The following SPARCL1 variants were observed in gnomAD, a reference collection of about 807,000 sequenced individuals.
The protein encoded by SPARCL1 is SPARC like 1, also known as SPARC-like protein 1.
SPARCL1 carries 52 observed loss-of-function variants against 67.1 expected under a neutral mutation model. The observed-to-expected ratio is 0.78, with a 90% CI of 0.62 to 0.98. SPARCL1 has a LOEUF of 0.98. Among genes scored for constraint, SPARCL1 ranks in the 50% least tolerant of loss-of-function variants. SPARCL1 has a pLI of 0.00. For missense variants in SPARCL1, 717 were observed against 782.4 expected (o/e 0.92, Z 1.00); for synonymous variants, 226 against 267.8 (o/e 0.84, Z 1.52).
chr4:87,515,917 T>A (rs1725563537), intron 1 of SPARCL1, among the ~76,000 whole-genome samples: 1 of 152,242 alleles, frequency 6.6e-6, no homozygotes. Flanking sequence ...TAGAGATTGC[T>A]ATAAATTCTT....
chr4:87,488,376 C>T (rs1724162213), intron 7 of SPARCL1, among the ~76,000 whole-genome samples: 1 of 152,180 alleles, frequency 6.6e-6, no homozygotes, highest in African/African-American at 2.4e-5. Flanking sequence ...CTGGAGTTCA[C>T]TCAAGGTCCA....
At chr4:87,479,655 A>G in intron 9 of SPARCL1, 77 bp from the exon 10 acceptor site, 1 of 1,423,026 alleles carries the variant, frequency 7.0e-7, no homozygotes, top group Non-Finnish European at 9.8e-7. Flanking sequence ...CACCAAGGAC[A>G]TTTTTCTCCC....
At chr4:87,506,672 G>A (rs1201086960) in intron 1 of SPARCL1, among the ~76,000 whole-genome samples, 1 of 152,112 alleles carries the variant, frequency 6.6e-6, no homozygotes, top group African/African-American at 2.4e-5. Flanking sequence ...GACTTGAACG[G>A]GAACTATACA....
chr4:87,495,756 C>T (rs962508622), intron 2 of SPARCL1, among the ~76,000 whole-genome samples: 1 of 151,926 alleles, frequency 6.6e-6, no homozygotes, highest in African/African-American at 2.4e-5. Flanking sequence ...ATGGTGAAAC[C>T]CCGTCTCTAC....
chr4:87,485,807 T>C (rs1724032754), intron 7 of SPARCL1, among the ~76,000 whole-genome samples: 1 of 152,176 alleles, frequency 6.6e-6, no homozygotes, highest in Non-Finnish European at 1.5e-5. Context: ...GGTATATGTG[T>C]CCAGGAATTT....
chr4:87,495,761 C>G (rs973909959), intron 2 of SPARCL1, among the ~76,000 whole-genome samples: 1 of 152,076 alleles, frequency 6.6e-6, no homozygotes, highest in African/African-American at 2.4e-5. Context: ...GAAACCCCGT[C>G]TCTACTAAAA....
intron 2 of SPARCL1, among the ~76,000 whole-genome samples, chr4:87,495,721 G>A (rs553924883): frequency 6.6e-6 from 1 of 152,292 alleles, no homozygotes; most frequent in South Asian, 2.1e-4. Context: ...GTCAAGGGCA[G>A]GAGTTCAAGA....
At chr4:87,489,405 C>G (rs1181854055) in intron 7 of SPARCL1, among the ~76,000 whole-genome samples, 1 of 152,206 alleles carries the variant, frequency 6.6e-6, no homozygotes, top group African/African-American at 2.4e-5. Flanking sequence ...TTGGCTCCCC[C>G]TCTGTGAGCT....
intron 1 of SPARCL1, among the ~76,000 whole-genome samples, chr4:87,502,575 T>C (rs1724896538): frequency 6.6e-6 from 1 of 152,244 alleles, no homozygotes; most frequent in Admixed American, 6.5e-5. Flanking sequence ...CTGTTCTTTA[T>C]TAGTGTGACA....
chr4:87,524,692 T>A (rs999166472), intron 1 of SPARCL1, among the ~76,000 whole-genome samples: 4 of 152,186 alleles, frequency 2.6e-5, no homozygotes, highest in African/African-American at 7.2e-5. Context: ...TCTCCTCAGC[T>A]GCAGCACCTG....
intron 1 of SPARCL1, among the ~76,000 whole-genome samples, chr4:87,524,240 T>C (rs968193217): frequency 2.6e-5 from 4 of 151,588 alleles, no homozygotes; most frequent in East Asian, 3.9e-4. Flanking sequence ...TTCTTTTTTT[T>C]CCCCCTGTAG....
chr4:87,521,511 C>T (rs779359747), intron 1 of SPARCL1, among the ~76,000 whole-genome samples: 11 of 152,144 alleles, frequency 7.2e-5, no homozygotes, highest in Non-Finnish European at 1.6e-4. Context: ...CTTGTGTTGC[C>T]TAGCATTCCC....
rs561600709 is a variant in SPARCL1 at position 87,490,483 on chromosome 4, C to T, written c.1411-90G>A. On this transcript the variant is annotated intron_variant, in intron 6 of 10. Transcript: ENST00000282470. The stretch of plus-strand genomic sequence containing the variant: ...CTTAAAGCTCATATGCTGATAACAG[C>T]GCTGTGCCAAAGATGTGGTCAGGTA... 6.1e-5 allele frequency: 87 copies of T among 1,429,350 alleles called. No individual in the cohort carries two copies. In the Admixed American group the frequency reaches 1.1e-3, roughly 18 times the overall value. The allele number at this position is 1,429,350 out of a possible 1,614,324, so 88.5% of individuals were successfully genotyped here.
At chr4:87,515,009 T>C (rs1236232916) in intron 1 of SPARCL1, among the ~76,000 whole-genome samples, 1 of 152,168 alleles carries the variant, frequency 6.6e-6, no homozygotes, top group African/African-American at 2.4e-5. Flanking sequence ...ATACAGATTA[T>C]TTTTGCAGAA....
intron 5 of SPARCL1, among the ~76,000 whole-genome samples, chr4:87,491,345 G>T (rs1724317935): frequency 2.0e-5 from 3 of 152,316 alleles, no homozygotes; most frequent in South Asian, 4.1e-4. Flanking sequence ...ATAGAATTAA[G>T]TCTTTTCAGA....
At position 87,498,331 on chromosome 4, in the gene SPARCL1, C is replaced by T. The variant is rs75282540; in HGVS notation, c.54+1190G>A. 2.6e-5 allele frequency among the ~76,000 whole-genome samples: 4 copies of T among 152,128 alleles called. No homozygotes were observed. In the East Asian group the frequency reaches 7.7e-4, roughly 29 times the overall value. On this transcript the variant is annotated intron_variant, in intron 2 of 10. Coordinates refer to ENST00000282470, the MANE Select transcript of SPARCL1 (RefSeq NM_004684.6). Reference sequence around the variant, plus strand: ...TTGTTTTTGCTGACACATTTGTCAACCAGAAGCTAGCTAACAACTTATCCA... The same window carrying T: ...TTGTTTTTGCTGACACATTTGTCAATCAGAAGCTAGCTAACAACTTATCCA...
intron 1 of SPARCL1, among the ~76,000 whole-genome samples, chr4:87,512,017 T>C (rs1438762741): frequency 7.0e-6 from 1 of 143,160 alleles, no homozygotes; most frequent in Non-Finnish European, 1.5e-5. Context: ...CAGGCTGGAG[T>C]GCAGTGGCGT....
intron 1 of SPARCL1, among the ~76,000 whole-genome samples, chr4:87,506,820 TCTATCTAC>T (rs1412793058): frequency 2.4e-3 from 349 of 143,778 alleles, no homozygotes; most frequent in East Asian, 0.017. Flanking sequence ...TATCTATCTA[TCTATCTAC>T]CTACCTACCT....
chr4:87,521,967 C>T (rs1273594580), intron 1 of SPARCL1, among the ~76,000 whole-genome samples: 2 of 152,208 alleles, frequency 1.3e-5, no homozygotes, highest in Non-Finnish European at 2.9e-5. Flanking sequence ...TAAACAGACT[C>T]AGAACGTTCC....
Sources: gnomAD v4.1 joint callset for allele counts (sites outside exome capture counted in the v4.1 genomes callset) on GRCh38, gnomAD v4.1.1 for gene constraint, MANE v1.5 for transcripts, NCBI Gene and HGNC (gene_info 2026-07-23, HGNC 2026-07-21) for gene names.